Variants in TNRC6C observed in about 807,000 individuals in gnomAD.
TNRC6C encodes the protein trinucleotide repeat-containing gene 6C protein.
TNRC6C carries 20 observed loss-of-function variants against 153.7 expected under a neutral mutation model. The ratio of observed to expected loss-of-function variants is 0.13; its 90% CI spans 0.09 to 0.19. TNRC6C has a LOEUF of 0.19. Among genes scored for constraint, TNRC6C ranks in the 10% least tolerant of loss-of-function variants. The pLI is 1.00. For synonymous variants in TNRC6C, 811 were observed against 841.4 expected (o/e 0.96, Z 0.63); for missense variants, 1,987 against 2,172.0 (o/e 0.91, Z 1.69).
intron 1 of TNRC6C, among the ~76,000 whole-genome samples, chr17:77,997,374 G>A (rs1314358145): frequency 6.6e-6 from 1 of 152,166 alleles, no homozygotes; most frequent in Non-Finnish European, 1.5e-5. Context: ...ATAGGTCCCT[G>A]CTGTCATCTC....
In TNRC6C at chr17:78,049,324, G is replaced by A. The variant is rs1339172087; in HGVS notation, c.262G>A (p.Gly88Ser). The A allele has an allele frequency of 1.2e-6, 2 of 1,613,826 alleles. No homozygotes were observed. The highest frequency in any genetic ancestry group is 1.7e-6 in the Non-Finnish European group (2 of 1,179,894). Residue 88 changes from glycine to serine, a missense_variant, in exon 3 of 20, where the codon GGT (glycine) becomes AGT (serine). This residue lies in a region of TNRC6C where 1,052 missense variants were observed against 1,017.0 expected (regional missense o/e 1.03). Coordinates refer to ENST00000301624, the Ensembl canonical transcript of TNRC6C. The surrounding 1 kb of genome is among the most constrained non-coding windows in gnomAD (Gnocchi z 4.1). The stretch of plus-strand genomic sequence containing the variant: ...AGATGGGAGAAGTCAGAATTGCTGG[G>A]GTGCTTCCAACTCCAATGCTGGCAT...
intron 1 of TNRC6C, 89 bp downstream of exon 3, chr17:78,005,168 A>G: frequency 1.2e-6 from 1 of 841,570 alleles, no homozygotes; most frequent in Non-Finnish European, 1.6e-6. Flanking sequence ...ATTGATGGTT[A>G]AAAAACGAGA....
At chr17:77,997,188 T>C (rs1344643280) in intron 1 of TNRC6C, among the ~76,000 whole-genome samples, 1 of 152,122 alleles carries the variant, frequency 6.6e-6, no homozygotes, top group African/African-American at 2.4e-5. Flanking sequence ...CTGCGGGGCT[T>C]TGTCTTGTTT....
intron 1 of TNRC6C, among the ~76,000 whole-genome samples, chr17:77,960,150 G>A (rs1167127861): frequency 6.6e-6 from 1 of 152,140 alleles, no homozygotes; most frequent in African/African-American, 2.4e-5. Context: ...CGTAATTAGT[G>A]GAGTTGTCTC....
At chr17:77,985,286 C>T (rs1388055373) in intron 1 of TNRC6C, among the ~76,000 whole-genome samples, 1 of 152,058 alleles carries the variant, frequency 6.6e-6, no homozygotes, top group African/African-American at 2.4e-5. Flanking sequence ...TGCCTTGTAG[C>T]CTCCATCTTT....
Position 77,959,764 on chromosome 17 carries a change from G to T in TNRC6C, c.-38+496G>T, listed in dbSNP as rs180754567. Among the ~76,000 whole-genome samples the T allele has an allele frequency of 6.2e-4, 94 of 152,282 alleles. 3 individuals are homozygous for T. Among genetic ancestry groups the T allele is most frequent in the Non-Finnish European group, 1.2e-3 (79 of 68,000 alleles). ...GAAATCAGGTGGATTTTCTAACGGTGCTGCGGACTGCGGAGTAATGCGTAT... is the reference window on the plus strand; with the variant it reads ...GAAATCAGGTGGATTTTCTAACGGTTCTGCGGACTGCGGAGTAATGCGTAT... On this transcript the variant is annotated intron_variant, in intron 1 of 22. Transcript: ENST00000636222.
chr17:78,015,969 C>G, intron 1 of TNRC6C, among the ~76,000 whole-genome samples: 1 of 152,102 alleles, frequency 6.6e-6, no homozygotes, highest in East Asian at 1.9e-4. Flanking sequence ...AACCAGATTT[C>G]GGCTGAAGAA....
At chr17:78,028,420 T>G (rs2071989434) in intron 1 of TNRC6C, among the ~76,000 whole-genome samples, 1 of 152,156 alleles carries the variant, frequency 6.6e-6, no homozygotes, top group Non-Finnish European at 1.5e-5. Context: ...CATGCATTCG[T>G]AGCAGTACCA....
rs2073425791 is a variant in TNRC6C at position 78,093,298 on chromosome 17, G to A, written c.4162+174G>A. 11 of 802,756 alleles carry A rather than the reference G, an allele frequency of 1.4e-5. 1 individual carries two copies. Among genetic ancestry groups the A allele is most frequent in the East Asian group, 1.3e-4 (5 of 37,312 alleles). The allele number at this position is 802,756 out of a possible 1,614,324, so 49.7% of individuals were successfully genotyped here. Reference sequence around the variant, plus strand: ...ATTTGTCAGATCAATTTTGGGTATGGTTAGCATCAGGCATTTTTCTGTAAA... The same window carrying A: ...ATTTGTCAGATCAATTTTGGGTATGATTAGCATCAGGCATTTTTCTGTAAA... On this transcript the variant is annotated intron_variant, in intron 15 of 19. Coordinates refer to ENST00000301624, the Ensembl canonical transcript of TNRC6C.
intron 13 of TNRC6C, among the ~76,000 whole-genome samples, chr17:78,090,988 C>T (rs1346000311): frequency 6.6e-6 from 1 of 152,136 alleles, no homozygotes; most frequent in Non-Finnish European, 1.5e-5. Flanking sequence ...ATAGTTTGGA[C>T]TTTTTCTATT....
intron 1 of TNRC6C, among the ~76,000 whole-genome samples, chr17:77,970,290 G>A (rs927911813): frequency 1.3e-5 from 2 of 152,136 alleles, no homozygotes; most frequent in Non-Finnish European, 2.9e-5. Flanking sequence ...CTGTTGCCCA[G>A]GCTGGAGTGC....
intron 5 of TNRC6C, among the ~76,000 whole-genome samples, chr17:78,070,430 C>G (rs556270656): frequency 6.6e-6 from 1 of 152,078 alleles, no homozygotes; most frequent in Non-Finnish European, 1.5e-5. Context: ...ATCATTAGAA[C>G]CTTTGCATTT....
At position 78,049,395 on chromosome 17, in the gene TNRC6C, A is replaced by G; in HGVS notation, c.333A>G (p.Val111=). The G allele has an allele frequency of 6.2e-7, 1 of 1,614,010 alleles. No individual in the cohort carries two copies. Among genetic ancestry groups the G allele is most frequent in the Non-Finnish European group, 8.5e-7 (1 of 1,179,878 alleles). ...ATGCCAACCCAGCTGCCTGGCCTGT[A>G]CTTGGACATGAAGGAACCGTGGCGA... is the stretch of plus-strand genomic sequence containing the variant. Residue 111 remains valine, a synonymous_variant, in exon 3 of 20, where the codon GTA becomes GTG. Coordinates refer to ENST00000301624, the Ensembl canonical transcript of TNRC6C. The surrounding 1 kb of genome is among the most constrained non-coding windows in gnomAD (Gnocchi z 4.1).
chr17:78,053,294 G>A (rs12601622), intron 3 of TNRC6C, among the ~76,000 whole-genome samples: 2,889 of 152,216 alleles, frequency 0.019, 46 homozygotes, highest in East Asian at 0.079. Flanking sequence ...AGTACTTGGG[G>A]GGATAAGGAG....
intron 1 of TNRC6C, among the ~76,000 whole-genome samples, chr17:77,960,096 A>G (rs2070849466): frequency 6.6e-6 from 1 of 152,104 alleles, no homozygotes; most frequent in South Asian, 2.1e-4. Flanking sequence ...TCGTGGCTGC[A>G]CCTATTGCAT....
rs2072580938 is a variant in TNRC6C, at chr17:78,053,515, G to C, written c.2395+2058G>C. Among the ~76,000 whole-genome samples the C allele has an allele frequency of 4.0e-5, 6 of 151,894 alleles. No individual in the cohort carries two copies. The South Asian group carries it at 1.2e-3, about 31-fold the overall frequency. On this transcript the variant is annotated intron_variant, in intron 3 of 19. Coordinates refer to ENST00000301624, the Ensembl canonical transcript of TNRC6C. Reference sequence around the variant, plus strand: ...ATGGTGGCGCATGTCTCTAATCCCAGCTACTCAGGAGGTGAAGGCAGGAGA... The same window carrying C: ...ATGGTGGCGCATGTCTCTAATCCCACCTACTCAGGAGGTGAAGGCAGGAGA...
chr17:77,964,996 G>C (rs2070886336), intron 1 of TNRC6C, among the ~76,000 whole-genome samples: 1 of 152,170 alleles, frequency 6.6e-6, no homozygotes. Context: ...AGTGGGAGTG[G>C]ACGAGGTTAG....
chr17:77,975,130 C>G (rs148862519), intron 1 of TNRC6C, among the ~76,000 whole-genome samples: 1 of 152,240 alleles, frequency 6.6e-6, no homozygotes, highest in African/African-American at 2.4e-5. Flanking sequence ...AAAAATTCTT[C>G]CATGCATCTT....
chr17:78,105,569 C>T (rs1392745266), exon 20 of TNRC6C: 1 of 152,214 alleles, frequency 6.6e-6, no homozygotes, highest in African/African-American at 2.4e-5. Context: ...TACACAGAAA[C>T]AGGCTCTAGG....
Sources: gnomAD v4.1 joint callset for allele counts (sites outside exome capture counted in the v4.1 genomes callset) on GRCh38, gnomAD v4.1.1 for gene constraint, gnomAD v4.1.1 regional missense constraint, Gnocchi (gnomAD v3.1) non-coding constraint, MANE v1.5 for transcripts, NCBI Gene and HGNC (gene_info 2026-07-23, HGNC 2026-07-21) for gene names.